Variants in AUTS2 observed in about 807,000 individuals in gnomAD.
The protein encoded by AUTS2 is autism susceptibility gene 2 protein.
Under a neutral mutation model 112.4 loss-of-function variants are expected in AUTS2, and 17 were observed. That is an observed-to-expected ratio of 0.15 (90% CI 0.10 to 0.23). The LOEUF is 0.23. Ranked by LOEUF, AUTS2 falls within the 10% of genes least tolerant of loss-of-function variation. The probability of loss-of-function intolerance (pLI) is 1.00; values close to 1 mark genes in which losing one functional copy is unlikely to be tolerated. For missense variants in AUTS2, 1,510 were observed against 1,701.6 expected, an observed-to-expected ratio of 0.89 and a Z score of 1.98; for synonymous variants, 751 against 702.7, an observed-to-expected ratio of 1.07 and a Z score of -1.09.
At chr7:70,737,304 C>T (rs903642135) in intron 6 of AUTS2, among the ~76,000 whole-genome samples, 1 of 152,228 alleles carries the variant, frequency 6.6e-6, no homozygotes, top group Non-Finnish European at 1.5e-5. Flanking sequence ...TTATGTGGCT[C>T]AAGCACCACC....
chr7:69,651,381 AC>A (rs1180183149), intron 1 of AUTS2, among the ~76,000 whole-genome samples: 1 of 152,168 alleles, frequency 6.6e-6, no homozygotes, highest in African/African-American at 2.4e-5. Flanking sequence ...TGTTTCTTGC[AC>A]CAGGAAGGTG....
chr7:70,773,945 TCA>T, intron 11 of AUTS2, 81 bp from the exon 12 acceptor site: 1 of 1,305,562 alleles, frequency 7.7e-7, no homozygotes, highest in Non-Finnish European at 1.1e-6. Context: ...TTGGCTTCTC[TCA>T]TTTAGCAGAA....
chr7:70,553,853 G>A (rs527954326), intron 5 of AUTS2, among the ~76,000 whole-genome samples: 144 of 127,746 alleles, frequency 1.1e-3, no homozygotes, highest in African/African-American at 3.7e-3. Context: ...TGCAACCTCC[G>A]CCTCCCGGGT....
At chr7:70,595,899 G>T (rs1803172774) in intron 5 of AUTS2, among the ~76,000 whole-genome samples, 1 of 151,916 alleles carries the variant, frequency 6.6e-6, no homozygotes, top group African/African-American at 2.4e-5. Context: ...GGCTGCTTCG[G>T]GGCGGCCCTC....
At chr7:70,338,833 C>CT (rs71077651) in intron 4 of AUTS2, among the ~76,000 whole-genome samples, 11,043 of 141,040 alleles carry the variant, frequency 0.078, 559 homozygotes, top group African/African-American at 0.13. Context: ...AGCCTCATCT[C>CT]TTATTTATTT....
chr7:70,413,304 C>G (rs899819900), intron 4 of AUTS2, among the ~76,000 whole-genome samples: 6 of 152,210 alleles, frequency 3.9e-5, no homozygotes, highest in Non-Finnish European at 7.3e-5. Context: ...GCACCTGTGT[C>G]TTATTCCTCT....
intron 3 of AUTS2, among the ~76,000 whole-genome samples, chr7:70,132,058 G>T (rs1185305102): frequency 2.7e-5 from 4 of 150,108 alleles, no homozygotes; most frequent in African/African-American, 9.8e-5. Flanking sequence ...GGGAGGAAAT[G>T]TCAATGCCAT....
At chr7:69,954,541 T>G (rs1287504135) in intron 2 of AUTS2, among the ~76,000 whole-genome samples, 5 of 152,344 alleles carry the variant, frequency 3.3e-5, no homozygotes, top group African/African-American at 1.2e-4. Context: ...ACTCCTGGGC[T>G]TAAGTGATTC....
At position 70,624,260 on chromosome 7, in the gene AUTS2, A is replaced by G. The variant is rs796979829; in HGVS notation, c.691-74309A>G. 9.2e-5 allele frequency among the ~76,000 whole-genome samples: 14 copies of G among 152,322 alleles called. 1 individual carries two copies. Among genetic ancestry groups the G allele is most frequent in the African/African-American group, 3.4e-4 (14 of 41,584 alleles). ...TGGAAGAACCGTGGGACCTCCTTCCAATGGAGAATGCAAATGATGTGACCC... is the reference window on the plus strand; with the variant it reads ...TGGAAGAACCGTGGGACCTCCTTCCGATGGAGAATGCAAATGATGTGACCC... On this transcript the variant is annotated intron_variant, in intron 5 of 18. Coordinates refer to ENST00000342771, the MANE Select transcript of AUTS2 (RefSeq NM_015570.4).
intron 4 of AUTS2, among the ~76,000 whole-genome samples, chr7:70,154,967 A>G (rs1807662916): frequency 1.3e-5 from 2 of 152,082 alleles, no homozygotes; most frequent in Non-Finnish European, 2.9e-5. Flanking sequence ...CCCCCCTGGG[A>G]CCTGCTTTAC....
chr7:70,568,472 T>G (rs1554431653), intron 5 of AUTS2, among the ~76,000 whole-genome samples: 1 of 152,236 alleles, frequency 6.6e-6, no homozygotes, highest in Non-Finnish European at 1.5e-5. Context: ...TTACTACTTT[T>G]GAAATTTAGT....
At chr7:69,823,684 C>T (rs529649804) in intron 1 of AUTS2, among the ~76,000 whole-genome samples, 5 of 152,134 alleles carry the variant, frequency 3.3e-5, no homozygotes, top group Admixed American at 2.0e-4. Flanking sequence ...TTCAGCTTTA[C>T]ACCACCATTA....
At chr7:70,383,693 A>T (rs1210974531) in intron 4 of AUTS2, among the ~76,000 whole-genome samples, 1 of 152,174 alleles carries the variant, frequency 6.6e-6, no homozygotes, top group East Asian at 1.9e-4. Flanking sequence ...AAGGGTGAAA[A>T]GCCTGCCTCT....
chr7:70,124,919 A>C (rs1427974422), intron 3 of AUTS2, among the ~76,000 whole-genome samples: 1 of 152,166 alleles, frequency 6.6e-6, no homozygotes, highest in Non-Finnish European at 1.5e-5. Context: ...AAAGATGACT[A>C]CTGGTTTTTG....
intron 2 of AUTS2, among the ~76,000 whole-genome samples, chr7:69,911,419 C>T (rs952314626): frequency 2.6e-5 from 4 of 152,242 alleles, no homozygotes; most frequent in South Asian, 4.1e-4. Flanking sequence ...TGCAACGTGG[C>T]GAGCAGGGGG....
intron 5 of AUTS2, among the ~76,000 whole-genome samples, chr7:70,451,041 G>A (rs1796510080): frequency 6.6e-6 from 1 of 152,114 alleles, no homozygotes; most frequent in African/African-American, 2.4e-5. Flanking sequence ...ATGCAGGAGT[G>A]ATCCCAATTT....
intron 2 of AUTS2, among the ~76,000 whole-genome samples, chr7:69,977,174 T>C (rs1263606720): frequency 6.6e-6 from 1 of 152,214 alleles, no homozygotes; most frequent in African/African-American, 2.4e-5. Flanking sequence ...CGTCCAGTTT[T>C]CCCACACCAT....
intron 4 of AUTS2, among the ~76,000 whole-genome samples, chr7:70,243,503 G>C (rs1812739411): frequency 6.6e-6 from 1 of 152,086 alleles, no homozygotes; most frequent in Non-Finnish European, 1.5e-5. Flanking sequence ...AGACATTTCA[G>C]TGTGCGGAGA....
At chr7:70,768,101 T>G in intron 10 of AUTS2, 33 bp downstream of exon 10, 1 of 1,576,536 alleles carries the variant, frequency 6.3e-7, no homozygotes, top group Non-Finnish European at 8.6e-7. Flanking sequence ...ACATTGAATG[T>G]AACTGCTTTG....
Sources: allele counts gnomAD v4.1 joint callset (sites outside exome capture counted in the v4.1 genomes callset), GRCh38; gene constraint gnomAD v4.1.1; transcripts MANE v1.5; gene names NCBI Gene and HGNC (gene_info 2026-07-23, HGNC 2026-07-21).